Variants in STRADB observed in about 807,000 individuals in gnomAD.
STRADB encodes STE20 related adaptor beta, also known as STE20-related kinase adapter protein beta.
In STRADB, 34 loss-of-function variants were observed where a neutral mutation model predicts 52.1. The ratio of observed to expected loss-of-function variants is 0.65; its 90% CI spans 0.50 to 0.87. The LOEUF (loss-of-function observed/expected upper bound fraction) is 0.87. STRADB is among the 40% of genes least tolerant of loss of function. The probability of loss-of-function intolerance (pLI) is 0.00; values close to 1 mark genes in which losing one functional copy is unlikely to be tolerated. For missense variants in STRADB, 340 were observed against 483.9 expected, an observed-to-expected ratio of 0.70 and a Z score of 2.79; for synonymous variants, 133 against 174.5, an observed-to-expected ratio of 0.76 and a Z score of 1.87.
chr2:201,467,473 G>T (rs1467237069), intron 3 of STRADB, among the ~76,000 whole-genome samples: 2 of 152,130 alleles, frequency 1.3e-5, no homozygotes, highest in African/African-American at 4.8e-5. Flanking sequence ...CTTGATGCCT[G>T]AGCCACACTT....
chr2:201,477,569 T>C (rs759939098), intron 7 of STRADB, 50 bp from the exon 8 acceptor site: 2 of 1,535,192 alleles, frequency 1.3e-6, no homozygotes, highest in Non-Finnish European at 1.8e-6. Context: ...TTTTATTCTT[T>C]CTTCATTGGC....
chr2:201,456,745 C>G (rs1380935719), intron 2 of STRADB, among the ~76,000 whole-genome samples: 1 of 152,090 alleles, frequency 6.6e-6, no homozygotes. Flanking sequence ...TAAGGTCTAA[C>G]TACTTTTTAC....
At position 201,478,545 on chromosome 2, in the gene STRADB, C is replaced by T. The variant is rs62189255; in HGVS notation, c.1014C>T (p.Phe338=). 1.9e-6 allele frequency: 3 copies of T among 1,614,008 alleles called. No homozygotes were observed. In the East Asian group the frequency reaches 6.7e-5, roughly 36 times the overall value. ...TACACACACCATCCTCAAAAACTTT[C>T]TCTCCTGCCTTCTTTAGCTTGGTAC... The part of the protein sequence containing the change: ...DRLHTPSSKT[F]SPAFFSLVQL... Residue 338 remains phenylalanine (F), a synonymous_variant, in exon 10 of 12, where the codon TTC becomes TTT. Transcript: ENST00000194530.
rs376220142 is a variant in STRADB at position 201,458,884 on chromosome 2, G to A, written c.93+20G>A. On this transcript the variant is annotated intron_variant, in intron 3 of 11. Coordinates refer to ENST00000194530, the MANE Select transcript of STRADB (RefSeq NM_018571.6). ...TACTTGGTAAGAAAATGGTTAGGCT[G>A]GATGCAGTGGTTCACACCTGTAATC... is the stretch of plus-strand genomic sequence containing the variant. 8 of 1,603,616 alleles carry A rather than the reference G, an allele frequency of 5.0e-6. No individual in the cohort carries two copies. The African/African-American group carries it at 9.4e-5, about 19-fold the overall frequency.
chr2:201,475,292 C>T (rs1055375192), intron 6 of STRADB, among the ~76,000 whole-genome samples: 2 of 151,798 alleles, frequency 1.3e-5, no homozygotes, highest in African/African-American at 4.8e-5. Context: ...TGAATGGATT[C>T]TAGAGCTTTG....
intron 3 of STRADB, among the ~76,000 whole-genome samples, chr2:201,467,956 G>A (rs1382850923): frequency 6.6e-6 from 1 of 150,592 alleles, no homozygotes; most frequent in Non-Finnish European, 1.5e-5. Context: ...TTTGTATTTA[G>A]GCTATTGGTT....
intron 4 of STRADB, chr2:201,472,736 G>A: frequency 2.7e-6 from 1 of 365,464 alleles, no homozygotes; most frequent in Non-Finnish European, 4.9e-6. Flanking sequence ...CATATTGGCT[G>A]TTCCTATATC....
At chr2:201,474,520 TA>T in intron 5 of STRADB, 126 bp from the exon 6 acceptor site, 1 of 661,580 alleles carries the variant, frequency 1.5e-6, no homozygotes, top group Non-Finnish European at 2.5e-6. Context: ...TTTAAATAGA[TA>T]AAAGCACTAA....
chr2:201,467,271 A>G (rs1368219805), intron 3 of STRADB, among the ~76,000 whole-genome samples: 3 of 152,254 alleles, frequency 2.0e-5, no homozygotes, highest in East Asian at 3.8e-4. Flanking sequence ...CTTGAAATTC[A>G]TATCACAGTA....
chr2:201,479,312 C>A, intron 10 of STRADB, 177 bp from the exon 11 acceptor site: 1 of 589,370 alleles, frequency 1.7e-6, no homozygotes, highest in South Asian at 2.2e-5. Context: ...GATACCTCTA[C>A]AATTATTTCC....
intron 3 of STRADB, among the ~76,000 whole-genome samples, chr2:201,469,395 A>G (rs959429357): frequency 6.6e-6 from 1 of 152,178 alleles, no homozygotes; most frequent in Admixed American, 6.5e-5. Context: ...GAGACCTCCT[A>G]TCAGTACTTG....
Position 201,469,981 on chromosome 2 carries a change from G to A in STRADB, c.122G>A (p.Arg41His), listed in dbSNP as rs192324264. The A allele has an allele frequency of 1.2e-5, 20 of 1,613,790 alleles. No homozygotes were observed. The East Asian group carries it at 2.9e-4, about 23-fold the overall frequency. The change falls in exon 4 of 12, where the codon CGT (arginine) becomes CAT (histidine). Residue 41 changes from arginine (R) to histidine (H), a missense_variant. Physicochemically the swap from Arg to His is conservative, Grantham distance 29 (BLOSUM62 0). Coordinates refer to ENST00000194530, the MANE Select transcript of STRADB (RefSeq NM_018571.6). Reference protein sequence around the residue: ...LVDEPTLSWSRPSTRASEVLC... With the variant: ...LVDEPTLSWSHPSTRASEVLC... ...GATGAGCCAACCCTTTCCTGGTCAC[G>A]TCCATCCACTAGAGCCAGTGAAGTA...
intron 7 of STRADB, 46 bp downstream of exon 7, chr2:201,475,788 G>T: frequency 1.3e-6 from 2 of 1,549,068 alleles, no homozygotes; most frequent in South Asian, 1.2e-5. Context: ...TTTAATGGAA[G>T]AACTCTTTGA....
intron 3 of STRADB, among the ~76,000 whole-genome samples, chr2:201,463,463 T>A (rs1312041997): frequency 6.6e-6 from 1 of 152,220 alleles, no homozygotes; most frequent in Non-Finnish European, 1.5e-5. Context: ...CTTTCTTTTT[T>A]CTTACTTCTT....
At chr2:201,466,631 T>C (rs1210790757) in intron 3 of STRADB, among the ~76,000 whole-genome samples, 1 of 152,236 alleles carries the variant, frequency 6.6e-6, no homozygotes, top group African/African-American at 2.4e-5. Context: ...AGTCTGGTTT[T>C]CCAAGTGATT....
chr2:201,456,210 T>A (rs1291932744), intron 2 of STRADB, among the ~76,000 whole-genome samples: 1 of 152,234 alleles, frequency 6.6e-6, no homozygotes, highest in Non-Finnish European at 1.5e-5. Flanking sequence ...AGTAAAACTT[T>A]ACTCACAAAA....
At chr2:201,457,348 A>G (rs890064132) in intron 2 of STRADB, 1 of 152,166 alleles carries the variant, frequency 6.6e-6, no homozygotes, top group Non-Finnish European at 1.5e-5. Flanking sequence ...ATCTTCAAAA[A>G]CTGTTTTATT....
At chr2:201,468,552 A>G (rs1162298383) in intron 3 of STRADB, among the ~76,000 whole-genome samples, 2 of 152,204 alleles carry the variant, frequency 1.3e-5, no homozygotes, top group Non-Finnish European at 2.9e-5. Flanking sequence ...GAACCTACTT[A>G]AAACAACCTG....
At chr2:201,479,558 C>A in intron 11 of STRADB, 27 bp downstream of exon 11, 1 of 1,580,154 alleles carries the variant, frequency 6.3e-7, no homozygotes, top group African/African-American at 1.4e-5. Context: ...TCCGTTGTCT[C>A]GATGTTTTTA....
Sources: allele counts gnomAD v4.1 joint callset (sites outside exome capture counted in the v4.1 genomes callset), GRCh38; gene constraint gnomAD v4.1.1; transcripts MANE v1.5; gene names NCBI Gene and HGNC (gene_info 2026-07-23, HGNC 2026-07-21).